The following ADRA1B variants were observed in gnomAD, a reference collection of about 807,000 sequenced individuals.
ADRA1B encodes adrenoceptor alpha 1B, also known as alpha-1B adrenergic receptor.
In ADRA1B, 17 loss-of-function variants were observed where a neutral mutation model predicts 17.9. The ratio of observed to expected loss-of-function variants is 0.95; its 90% CI spans 0.65 to 1.42. The LOEUF (loss-of-function observed/expected upper bound fraction) is 1.42. Among genes scored for constraint, ADRA1B ranks in the 40% most tolerant of loss-of-function variants. The pLI, the probability that ADRA1B is intolerant of heterozygous loss-of-function variation, is 0.00. For missense variants in ADRA1B, 681 were observed against 722.1 expected (o/e 0.94, Z 0.65); for synonymous variants, 366 against 327.6 (o/e 1.12, Z -1.27).
intron 1 of ADRA1B, among the ~76,000 whole-genome samples, chr5:159,897,491 A>G (rs796467610): frequency 6.6e-6 from 1 of 152,226 alleles, no homozygotes; most frequent in Admixed American, 6.5e-5. Context: ...ATCTAAAAAA[A>G]AAAAAGAAAA....
the ADRA1B span, among the ~76,000 whole-genome samples, chr5:159,985,478 T>C: frequency 6.6e-6 from 1 of 152,220 alleles, no homozygotes; most frequent in East Asian, 1.9e-4. Flanking sequence ...ATATCTGGTC[T>C]CTGGCCAGGC....
intron 1 of ADRA1B, among the ~76,000 whole-genome samples, chr5:159,925,636 C>T (rs770789078): frequency 7.9e-5 from 12 of 152,180 alleles, no homozygotes; most frequent in Admixed American, 2.6e-4. Flanking sequence ...TTCTAGAAGC[C>T]GTTTTTTCAC....
intron 1 of ADRA1B, among the ~76,000 whole-genome samples, chr5:159,918,287 G>A (rs188569428): frequency 2.0e-5 from 3 of 152,348 alleles, no homozygotes; most frequent in Admixed American, 1.3e-4. Flanking sequence ...GAGGCAGCTC[G>A]TACACAGAAA....
intron 1 of ADRA1B, among the ~76,000 whole-genome samples, chr5:159,865,933 A>G (rs1328230607): frequency 1.3e-5 from 2 of 152,158 alleles, no homozygotes; most frequent in African/African-American, 2.4e-5. Flanking sequence ...TTTCTAATAA[A>G]CAGATAAATT....
intron 1 of ADRA1B, among the ~76,000 whole-genome samples, chr5:159,877,265 T>C (rs138709674): frequency 6.6e-6 from 1 of 152,238 alleles, no homozygotes; most frequent in East Asian, 1.9e-4. Flanking sequence ...TCTGCTAAGC[T>C]AGAACTGAGC....
rs1356317548 is a variant in ADRA1B at position 159,917,648 on chromosome 5, C to G, written c.743C>G (p.Ser248Cys). The G allele has an allele frequency of 6.2e-7, 1 of 1,614,056 alleles. No individual in the cohort carries two copies. Among genetic ancestry groups the G allele is most frequent in the Non-Finnish European group, 8.5e-7 (1 of 1,180,036 alleles). ...GGAGTCATGAAGGAGATGTCCAACT[C>G]CAAGGAGCTGACCCTGAGGATCCAT... ...EAGVMKEMSN[S>C]KELTLRIHSK... The change falls in exon 1 of 2, where the codon TCC (serine) becomes TGC (cysteine). Residue 248 changes from serine (S) to cysteine (C), a missense_variant. Coordinates refer to ENST00000306675, the MANE Select transcript of ADRA1B (RefSeq NM_000679.4).
At chr5:159,867,951 C>T (rs1285266429) in intron 1 of ADRA1B, 2 of 152,224 alleles carry the variant, frequency 1.3e-5, no homozygotes, top group East Asian at 3.9e-4. Context: ...GAAAAAAAAA[C>T]TATTAAACAC....
In ADRA1B at chr5:159,900,950, G is replaced by A. The variant is rs1581024697; in HGVS notation, c.-255-15169G>A. ...TGGTTTGAGAAGAATAATGAAAGAGGAGAGAAAATAGTTTTAATTGGACTA... is the reference window on the plus strand; with the variant it reads ...TGGTTTGAGAAGAATAATGAAAGAGAAGAGAAAATAGTTTTAATTGGACTA... On this transcript the variant is annotated intron_variant, in intron 1 of 2. Coordinates refer to the ADRA1B transcript ENST00000641205. 2.6e-5 allele frequency among the ~76,000 whole-genome samples: 4 copies of A among 152,314 alleles called. No homozygotes were observed. The East Asian group carries it at 7.7e-4, about 29-fold the overall frequency.
At chr5:159,900,648 G>A (rs1754091118) in intron 1 of ADRA1B, among the ~76,000 whole-genome samples, 1 of 152,212 alleles carries the variant, frequency 6.6e-6, no homozygotes, top group African/African-American at 2.4e-5. Flanking sequence ...GAGGGAGAGA[G>A]AGAGTCAGCA....
chr5:159,884,958 G>A (rs1399537699), intron 1 of ADRA1B, among the ~76,000 whole-genome samples: 1 of 152,158 alleles, frequency 6.6e-6, no homozygotes, highest in African/African-American at 2.4e-5. Flanking sequence ...AATTTCCTTT[G>A]GCTGGTTCTT....
Position 159,971,956 on chromosome 5 carries a change from C to A in ADRA1B, c.1027C>A (p.Leu343Ile). Reference protein sequence around the residue: ...VFWLGYFNSCLNPIIYPCSSK... With the variant: ...VFWLGYFNSCINPIIYPCSSK... ...CTGGCTGGGCTACTTCAACAGCTGCCTCAACCCCATCATCTACCCATGCTC... is the reference window on the plus strand; with the variant it reads ...CTGGCTGGGCTACTTCAACAGCTGCATCAACCCCATCATCTACCCATGCTC... Residue 343 changes from leucine to isoleucine, a missense_variant, in exon 2 of 2, where the codon CTC (leucine) becomes ATC (isoleucine). Around this residue, in one of 3 missense-constraint regions of ADRA1B, gnomAD observed 424 missense variants for 480.2 expected, o/e 0.88. Coordinates refer to ENST00000306675, the MANE Select transcript of ADRA1B (RefSeq NM_000679.4). 6.8e-7 allele frequency: 1 copy of A among 1,469,998 alleles called. No homozygotes were observed. The highest frequency in any genetic ancestry group is 1.5e-5 in the South Asian group (1 of 65,550). The allele number at this position is 1,469,998 out of a possible 1,614,324, so 91.1% of individuals were successfully genotyped here. A position where few individuals can be genotyped will look rare whatever the true frequency, so the allele number is the denominator to read the frequency against.
intron 1 of ADRA1B, among the ~76,000 whole-genome samples, chr5:159,907,233 A>G (rs191371092): frequency 2.3e-3 from 343 of 152,168 alleles, no homozygotes; most frequent in African/African-American, 7.8e-3. Flanking sequence ...GCTCACCAAC[A>G]CCCACACCGG....
intron 1 of ADRA1B, among the ~76,000 whole-genome samples, chr5:159,881,298 GTT>G (rs1491570939): frequency 2.2e-4 from 15 of 67,028 alleles, no homozygotes; most frequent in African/African-American, 7.9e-4. Flanking sequence ...ATATCAGAAA[GTT>G]CTCTCTCTCT....
chr5:159,914,256 G>T (rs953709527), upstream of ADRA1B, among the ~76,000 whole-genome samples: 1 of 152,182 alleles, frequency 6.6e-6, no homozygotes, highest in Non-Finnish European at 1.5e-5. Context: ...CCCTGACAGA[G>T]GGCTGCCAAG....
intron 1 of ADRA1B, among the ~76,000 whole-genome samples, chr5:159,967,190 T>C (rs913170771): frequency 2.6e-5 from 4 of 152,152 alleles, no homozygotes; most frequent in South Asian, 2.1e-4. Context: ...AAAAAAAATA[T>C]ACAAATCTGG....
intron 1 of ADRA1B, among the ~76,000 whole-genome samples, chr5:159,965,429 G>A (rs36062369): frequency 0.053 from 8,046 of 152,084 alleles, 286 homozygotes; most frequent in South Asian, 0.15. Flanking sequence ...GGCCTTCCAG[G>A]AACCCACACT....
intron 1 of ADRA1B, chr5:159,937,574 C>T (rs975213290): frequency 2.6e-5 from 4 of 152,268 alleles, no homozygotes; most frequent in African/African-American, 9.7e-5. Context: ...CCTCAGCCTC[C>T]CGAGTACCTG....
intron 1 of ADRA1B, chr5:159,937,776 A>G (rs993620928): frequency 6.6e-6 from 1 of 152,186 alleles, no homozygotes; most frequent in African/African-American, 2.4e-5. Context: ...TGATGACATC[A>G]TACTATGACA....
At chr5:159,948,427 G>A (rs761131689) in intron 1 of ADRA1B, 147 of 985,262 alleles carry the variant, frequency 1.5e-4, no homozygotes, top group African/African-American at 2.1e-4. Flanking sequence ...GCCACAAAGC[G>A]TTTTTCAACA....
Sources: gnomAD v4.1 joint callset for allele counts (sites outside exome capture counted in the v4.1 genomes callset) on GRCh38, gnomAD v4.1.1 for gene constraint, gnomAD v4.1.1 regional missense constraint, MANE v1.5 for transcripts, NCBI Gene and HGNC (gene_info 2026-07-23, HGNC 2026-07-21) for gene names.